The following SASH1 variants were observed in gnomAD, a reference collection of about 807,000 sequenced individuals.
SASH1 encodes SAM and SH3 domain containing 1, also known as SAM and SH3 domain-containing protein 1.
A neutral mutation model predicts 125.2 loss-of-function variants in SASH1; 44 were observed. That is an observed-to-expected ratio of 0.35 (90% CI 0.28 to 0.45). The LOEUF is 0.45. SASH1 is among the 20% of genes least tolerant of loss of function. The probability of loss-of-function intolerance (pLI) is 1.00; values close to 1 mark genes in which losing one functional copy is unlikely to be tolerated. For synonymous variants in SASH1, 639 were observed against 649.1 expected, an observed-to-expected ratio of 0.98 and a Z score of 0.24; for missense variants, 1,426 against 1,614.5, an observed-to-expected ratio of 0.88 and a Z score of 2.00.
intron 2 of SASH1, among the ~76,000 whole-genome samples, chr6:148,414,700 T>C (rs1784754987): frequency 6.6e-6 from 1 of 152,052 alleles, no homozygotes; most frequent in African/African-American, 2.4e-5. Flanking sequence ...GGGTCTTGTT[T>C]TGTCGCCCAG....
At chr6:148,382,402 G>T (rs572851688) in intron 1 of SASH1, among the ~76,000 whole-genome samples, 5 of 152,160 alleles carry the variant, frequency 3.3e-5, no homozygotes, top group Non-Finnish European at 7.4e-5. Context: ...TGATTCTCCA[G>T]CCTCAGCCTC....
At chr6:148,238,467 A>G in the SASH1 span, among the ~76,000 whole-genome samples, 897 of 152,064 alleles carry the variant, frequency 5.9e-3, 7 homozygotes, top group African/African-American at 0.021. Flanking sequence ...CAGGTGATCC[A>G]CCTGCCTCAG....
chr6:148,422,076 G>T (rs1255792490), intron 2 of SASH1, among the ~76,000 whole-genome samples: 3 of 152,192 alleles, frequency 2.0e-5, no homozygotes, highest in Non-Finnish European at 4.4e-5. Context: ...TATAGAGGAA[G>T]GGTTGGCTTT....
intron 8 of SASH1, among the ~76,000 whole-genome samples, chr6:148,505,990 C>T (rs1232680525): frequency 2.0e-5 from 3 of 150,366 alleles, no homozygotes; most frequent in African/African-American, 7.3e-5. Context: ...AGGATGGTCT[C>T]GATCTCCTGA....
intron 1 of SASH1, among the ~76,000 whole-genome samples, chr6:148,351,350 C>T (rs952248764): frequency 6.6e-6 from 1 of 151,998 alleles, no homozygotes; most frequent in Non-Finnish European, 1.5e-5. Context: ...CTAATGTTCT[C>T]TGTGTTCACA....
intron 7 of SASH1, among the ~76,000 whole-genome samples, chr6:148,483,593 G>A (rs1778720311): frequency 1.3e-5 from 2 of 152,174 alleles, no homozygotes; most frequent in Admixed American, 1.3e-4. Flanking sequence ...AAAGGGAGTG[G>A]GGAGCCCTGG....
Position 148,544,786 on chromosome 6 carries a change from A to G in SASH1, c.3316A>G (p.Ile1106Val). ...TGAAAACAAGCTGCACGCTGAAGGC[A>G]TCGATCTCACGGAGGAGCCGTATTC... ...LTENKLHAEG[I>V]DLTEEPYSDK... The change falls in exon 18 of 20, where the codon ATC becomes GTC. Residue 1106 changes from isoleucine to valine, a missense_variant. By Grantham distance (29) the Ile-to-Val change is conservative. Coordinates refer to ENST00000367467, the MANE Select transcript of SASH1 (RefSeq NM_015278.5). This position sits in a 1 kb window ranked among gnomAD's most constrained non-coding sequence, Gnocchi z 6.4. The G allele has an allele frequency of 1.2e-6, 2 of 1,600,268 alleles. No individual in the cohort carries two copies. The highest frequency in any genetic ancestry group is 1.7e-6 in the Non-Finnish European group (2 of 1,173,428).
the SASH1 span, among the ~76,000 whole-genome samples, chr6:148,194,835 G>A: frequency 2.0e-5 from 3 of 152,238 alleles, no homozygotes; most frequent in Admixed American, 6.5e-5. Flanking sequence ...GAACCTAGGA[G>A]GCGGAGCTGG....
Position 148,440,346 on chromosome 6 carries a change from C to T in SASH1, c.337-12C>T. On this transcript the variant is annotated splice_polypyrimidine_tract_variant and intron_variant, in intron 3 of 19. Transcript: ENST00000367467. ...CTCTGACCACACTGACTATACGAATCTTCTCTCGTAGGAGTCGCTTGGCTT... is the reference window on the plus strand; with the variant it reads ...CTCTGACCACACTGACTATACGAATTTTCTCTCGTAGGAGTCGCTTGGCTT... 1 of 1,613,636 alleles carries T rather than the reference C, an allele frequency of 6.2e-7. No homozygotes were observed. Among genetic ancestry groups the T allele is most frequent in the African/African-American group, 1.3e-5 (1 of 74,986 alleles).
At chr6:148,534,407 A>T (rs1026686031) in intron 15 of SASH1, among the ~76,000 whole-genome samples, 1 of 152,202 alleles carries the variant, frequency 6.6e-6, no homozygotes, top group Non-Finnish European at 1.5e-5. Context: ...TAAAAGCTGG[A>T]TTTTAATAGC....
At chr6:148,540,037 G>A (rs1166015778) in intron 16 of SASH1, among the ~76,000 whole-genome samples, 1 of 152,150 alleles carries the variant, frequency 6.6e-6, no homozygotes, top group Non-Finnish European at 1.5e-5. Context: ...AAAAACATAT[G>A]ACCTAATCTC....
At chr6:148,507,299 G>A (rs759037431) in intron 8 of SASH1, among the ~76,000 whole-genome samples, 9 of 152,124 alleles carry the variant, frequency 5.9e-5, no homozygotes, top group Non-Finnish European at 1.2e-4. Context: ...TGCAGAACCC[G>A]CAATGTGTGC....
the SASH1 span, among the ~76,000 whole-genome samples, chr6:148,226,569 G>A: frequency 1.7e-4 from 26 of 152,318 alleles, no homozygotes; most frequent in South Asian, 3.3e-3. Flanking sequence ...CCCACAACGC[G>A]AAGTGGGGCA....
intron 4 of SASH1, among the ~76,000 whole-genome samples, chr6:148,451,335 A>T (rs1469880466): frequency 6.6e-6 from 1 of 152,222 alleles, no homozygotes; most frequent in Non-Finnish European, 1.5e-5. Context: ...GTGTGAATAA[A>T]AAGTGCTTTC....
chr6:148,277,238 G>A (rs1562301892), intron 1 of SASH1, among the ~76,000 whole-genome samples: 2 of 152,176 alleles, frequency 1.3e-5, no homozygotes, highest in Non-Finnish European at 2.9e-5. Flanking sequence ...TGGTCAGGTG[G>A]CCAATGTGGC....
intron 1 of SASH1, among the ~76,000 whole-genome samples, chr6:148,320,336 T>C (rs1780605468): frequency 6.6e-6 from 1 of 152,216 alleles, no homozygotes; most frequent in African/African-American, 2.4e-5. Context: ...AGGTACATTA[T>C]TGGTGTATGG....
intron 1 of SASH1, among the ~76,000 whole-genome samples, chr6:148,309,167 G>C (rs1780230745): frequency 6.6e-6 from 1 of 151,920 alleles, no homozygotes; most frequent in South Asian, 2.1e-4. Flanking sequence ...GCTGCCTGGG[G>C]GGAAAAAAGA....
At chr6:148,291,995 A>C (rs549695422) in intron 1 of SASH1, among the ~76,000 whole-genome samples, 1 of 152,336 alleles carries the variant, frequency 6.6e-6, no homozygotes, top group East Asian at 1.9e-4. Flanking sequence ...CTCCTGAGAA[A>C]GAGTGGCTAG....
the SASH1 span, among the ~76,000 whole-genome samples, chr6:148,256,747 C>G: frequency 1.3e-5 from 2 of 152,144 alleles, no homozygotes; most frequent in Admixed American, 6.5e-5. Flanking sequence ...TATAATTGTT[C>G]TGCATCTTGA....
Sources: gnomAD v4.1 joint callset for allele counts (sites outside exome capture counted in the v4.1 genomes callset) on GRCh38, gnomAD v4.1.1 for gene constraint, Gnocchi (gnomAD v3.1) non-coding constraint, MANE v1.5 for transcripts, NCBI Gene and HGNC (gene_info 2026-07-23, HGNC 2026-07-21) for gene names.